MAST4: variants seen among roughly 807,000 people sequenced by gnomAD.
MAST4 encodes microtubule associated serine/threonine kinase family member 4.
In MAST4, 89 loss-of-function variants were observed where a neutral mutation model predicts 162.7. The ratio of observed to expected loss-of-function variants is 0.55; its 90% CI spans 0.46 to 0.65. MAST4 has a LOEUF of 0.65. MAST4 is among the 30% of genes least tolerant of loss of function. MAST4 has a pLI of 0.00. For missense variants in MAST4, 3,153 were observed against 3,374.0 expected (o/e 0.93, Z 1.62); for synonymous variants, 1,479 against 1,361.1 (o/e 1.09, Z -1.91).
chr5:67,166,061 C>T lies in MAST4; in HGVS notation c.6882C>T (p.Pro2294=). 12 of 1,613,756 alleles carry T rather than the reference C, an allele frequency of 7.4e-6. No individual in the cohort carries two copies. The highest frequency in any genetic ancestry group is 1.0e-5 in the Non-Finnish European group (12 of 1,179,794). ...AKPQPTSGGR[P]LEVLEKPVHL... is the part of the protein sequence containing the mutation. ...CACAACCCACCAGTGGTGGGCGGCC[C>T]CTGGAGGTGCTGGAGAAGCCTGTGC... Residue 2294 remains proline (P), a synonymous_variant, in exon 29 of 29, where the codon CCC becomes CCT. Coordinates refer to ENST00000403625, the MANE Select transcript of MAST4 (RefSeq NM_001164664.2).
chr5:66,597,105 G>A, intron 1 of MAST4, 87 bp downstream of exon 1: 1 of 1,284,668 alleles, frequency 7.8e-7, no homozygotes, highest in Non-Finnish European at 9.8e-7. Context: ...GTGGGCAGGA[G>A]AGCGCTGTGG....
chr5:66,853,834 A>G (rs1759483655), intron 3 of MAST4, among the ~76,000 whole-genome samples: 1 of 152,234 alleles, frequency 6.6e-6, no homozygotes, highest in African/African-American at 2.4e-5. Flanking sequence ...AACAGATTGA[A>G]TAAACCTTTA....
intron 1 of MAST4, among the ~76,000 whole-genome samples, chr5:66,620,988 CAG>C (rs772693113): frequency 6.6e-6 from 1 of 151,982 alleles, no homozygotes; most frequent in Non-Finnish European, 1.5e-5. Flanking sequence ...GCAGTTAAGT[CAG>C]AATTGTTTCT....
intron 1 of MAST4, among the ~76,000 whole-genome samples, chr5:66,600,378 A>G (rs890430202): frequency 6.6e-6 from 1 of 152,354 alleles, no homozygotes; most frequent in Middle Eastern, 3.4e-3. Flanking sequence ...CCCTGACAAC[A>G]TCTCTGAGAT....
At chr5:67,116,832 A>C (rs1766980269) in intron 12 of MAST4, among the ~76,000 whole-genome samples, 1 of 152,072 alleles carries the variant, frequency 6.6e-6, no homozygotes, top group African/African-American at 2.4e-5. Flanking sequence ...TAAAAAATAA[A>C]TGATTACAGA....
chr5:67,119,298 G>C (rs1372440672), intron 13 of MAST4, among the ~76,000 whole-genome samples: 1 of 152,164 alleles, frequency 6.6e-6, no homozygotes, highest in Non-Finnish European at 1.5e-5. Context: ...CTGGGAGGAG[G>C]AGGGAAGGGT....
intron 1 of MAST4, among the ~76,000 whole-genome samples, chr5:66,738,478 CT>C (rs1458876645): frequency 1.3e-5 from 2 of 152,226 alleles, no homozygotes; most frequent in Admixed American, 6.5e-5. Context: ...TGCCAGGCCC[CT>C]CTTCTAGCCT....
chr5:66,811,082 A>G (rs72761255), intron 3 of MAST4, among the ~76,000 whole-genome samples: 48,959 of 152,070 alleles, frequency 0.32, 8,223 homozygotes, highest in Non-Finnish European at 0.37. Flanking sequence ...CCGGGCAGAG[A>G]CTTGGAGGAT....
intron 5 of MAST4, among the ~76,000 whole-genome samples, chr5:67,073,753 A>G (rs140265497): frequency 1.1e-3 from 165 of 152,364 alleles, no homozygotes; most frequent in Admixed American, 6.5e-3. Context: ...AGTTTAATCA[A>G]CAGATGATAC....
At chr5:66,812,061 G>T (rs1215777275) in intron 3 of MAST4, among the ~76,000 whole-genome samples, 2 of 152,102 alleles carry the variant, frequency 1.3e-5, no homozygotes, top group Non-Finnish European at 2.9e-5. Context: ...GGTCGGGAGG[G>T]AGAGAACCGC....
intron 3 of MAST4, among the ~76,000 whole-genome samples, chr5:66,822,747 T>C (rs1239732825): frequency 6.6e-6 from 1 of 152,208 alleles, no homozygotes; most frequent in Non-Finnish European, 1.5e-5. Context: ...TGACAACTTA[T>C]GATATGCTCA....
intron 3 of MAST4, among the ~76,000 whole-genome samples, chr5:66,867,078 A>T (rs937386058): frequency 6.6e-6 from 1 of 152,202 alleles, no homozygotes; most frequent in African/African-American, 2.4e-5. Context: ...ACTCTTTTGA[A>T]TGGACTTTTA....
At chr5:66,609,424 C>G (rs1743130050) in intron 1 of MAST4, among the ~76,000 whole-genome samples, 1 of 141,898 alleles carries the variant, frequency 7.0e-6, no homozygotes, top group Admixed American at 7.2e-5. Flanking sequence ...CAGCCTGGCT[C>G]TGTTTCCCAG....
intron 20 of MAST4, 29 bp from the exon 21 acceptor site, chr5:67,142,392 T>C (rs751654944): frequency 5.8e-6 from 9 of 1,543,326 alleles, no homozygotes; most frequent in Non-Finnish European, 8.0e-6. Flanking sequence ...TCTGAGTAAT[T>C]GGACCTGTTC....
At chr5:66,656,351 T>C (rs1333846974) in intron 1 of MAST4, among the ~76,000 whole-genome samples, 1 of 152,266 alleles carries the variant, frequency 6.6e-6, no homozygotes, top group East Asian at 1.9e-4. Flanking sequence ...AGAAATTGCC[T>C]GTTTGCTTGC....
rs372553589 is a variant in MAST4, at chr5:66,596,739, G to C, written c.84G>C (p.Leu28=). ...GHGSRTPASA[L]VAASSPGASS... ...GCAGCCGGACTCCAGCCTCTGCGCTGGTCGCCGCGTCCTCTCCGGGTGCTT... is the reference window on the plus strand; with the variant it reads ...GCAGCCGGACTCCAGCCTCTGCGCTCGTCGCCGCGTCCTCTCCGGGTGCTT... The change falls in exon 1 of 29, where the codon CTG becomes CTC. Residue 28 remains leucine, a synonymous_variant. Coordinates refer to ENST00000403625, the MANE Select transcript of MAST4 (RefSeq NM_001164664.2). 2.8e-4 allele frequency: 398 copies of C among 1,412,636 alleles called. No individual in the cohort carries two copies. The highest frequency in any genetic ancestry group is 3.4e-4 in the Non-Finnish European group (370 of 1,082,608). The allele number at this position is 1,412,636 out of a possible 1,614,324, so 87.5% of individuals were successfully genotyped here.
intron 1 of MAST4, among the ~76,000 whole-genome samples, chr5:66,681,950 A>T (rs1328277617): frequency 6.6e-6 from 1 of 152,232 alleles, no homozygotes; most frequent in Non-Finnish European, 1.5e-5. Context: ...TGCCTGGAGC[A>T]TCAGTTAAGG....
intron 2 of MAST4, among the ~76,000 whole-genome samples, chr5:66,764,419 G>A (rs1388342038): frequency 6.6e-6 from 1 of 152,164 alleles, no homozygotes; most frequent in African/African-American, 2.4e-5. Context: ...AGGGGTAGAA[G>A]CACACTTCAC....
intron 1 of MAST4, among the ~76,000 whole-genome samples, chr5:66,722,192 G>T (rs930716534): frequency 1.1e-4 from 17 of 151,922 alleles, no homozygotes; most frequent in Non-Finnish European, 1.5e-5. Context: ...ATTTGACTTG[G>T]CCCGTTACTC....
Sources: allele counts gnomAD v4.1 joint callset (sites outside exome capture counted in the v4.1 genomes callset), GRCh38; gene constraint gnomAD v4.1.1; transcripts MANE v1.5; gene names NCBI Gene and HGNC (gene_info 2026-07-23, HGNC 2026-07-21).